SOS2: variants seen among roughly 807,000 people sequenced by gnomAD.
The protein encoded by SOS2 is son of sevenless homolog 2.
In SOS2, 65 loss-of-function variants were observed where a neutral mutation model predicts 148.2. The ratio of observed to expected loss-of-function variants is 0.44; its 90% confidence interval spans 0.36 to 0.54. The LOEUF (loss-of-function observed/expected upper bound fraction) is 0.54. Among genes scored for constraint, SOS2 ranks in the 20% least tolerant of loss-of-function variants. The pLI is 0.00. For synonymous variants in SOS2, 539 were observed against 537.1 expected (o/e 1.00, Z -0.05); for missense variants, 1,341 against 1,590.2 (o/e 0.84, Z 2.67).
intron 12 of SOS2, among the ~76,000 whole-genome samples, chr14:50,154,301 T>C (rs1440743578): frequency 6.6e-5 from 10 of 152,180 alleles, no homozygotes; most frequent in Admixed American, 5.9e-4. Context: ...AAAATAAGTA[T>C]GAATGAAATA....
intron 1 of SOS2, among the ~76,000 whole-genome samples, chr14:50,205,925 T>A (rs923448181): frequency 1.0e-4 from 13 of 129,446 alleles, no homozygotes; most frequent in African/African-American, 3.3e-4. Context: ...AAAAAAAAAA[T>A]AGCATAAAAT....
intron 1 of SOS2, among the ~76,000 whole-genome samples, chr14:50,205,228 T>G (rs1886621738): frequency 6.6e-6 from 1 of 152,024 alleles, no homozygotes; most frequent in African/African-American, 2.4e-5. Flanking sequence ...TTTTTAAAAC[T>G]TTTTGTAGAG....
chr14:50,139,066 C>G (rs1190701486), intron 17 of SOS2, among the ~76,000 whole-genome samples: 1 of 152,082 alleles, frequency 6.6e-6, no homozygotes, highest in South Asian at 2.1e-4. Flanking sequence ...TTTCTAAACT[C>G]TAATTTCACC....
chr14:50,205,223 A>C (rs1886621445), intron 1 of SOS2, among the ~76,000 whole-genome samples: 1 of 151,820 alleles, frequency 6.6e-6, no homozygotes, highest in African/African-American at 2.4e-5. Flanking sequence ...GCTAATTTTT[A>C]AAACTTTTTG....
chr14:50,169,390 T>C (rs1006397674), intron 8 of SOS2, among the ~76,000 whole-genome samples: 1 of 149,802 alleles, frequency 6.7e-6, no homozygotes, highest in African/African-American at 2.5e-5. Flanking sequence ...ATCCCAGCAC[T>C]TTGGGAGGCC....
At chr14:50,197,027 G>A (rs1027969152) in intron 4 of SOS2, among the ~76,000 whole-genome samples, 4 of 151,834 alleles carry the variant, frequency 2.6e-5, no homozygotes, top group South Asian at 2.1e-4. Context: ...GCACACGCCC[G>A]GATAATTTTT....
At chr14:50,206,070 T>A (rs1886650906) in intron 1 of SOS2, among the ~76,000 whole-genome samples, 1 of 152,200 alleles carries the variant, frequency 6.6e-6, no homozygotes, top group Non-Finnish European at 1.5e-5. Flanking sequence ...ATGTTATTAA[T>A]CTTTTAAAGA....
At chr14:50,213,468 T>A (rs1365823478) in intron 1 of SOS2, among the ~76,000 whole-genome samples, 2 of 152,000 alleles carry the variant, frequency 1.3e-5, no homozygotes, top group Non-Finnish European at 2.9e-5. Flanking sequence ...GAGGCCAAGG[T>A]GGGGGTGGAT....
chr14:50,222,201 T>G, intron 1 of SOS2, among the ~76,000 whole-genome samples: 1 of 152,220 alleles, frequency 6.6e-6, no homozygotes, highest in East Asian at 1.9e-4. Flanking sequence ...ATAACACATA[T>G]GAAATTACAT....
At chr14:50,167,630 A>T (rs1885209165) in intron 8 of SOS2, among the ~76,000 whole-genome samples, 1 of 152,156 alleles carries the variant, frequency 6.6e-6, no homozygotes, top group East Asian at 1.9e-4. Flanking sequence ...GCACTTTGGG[A>T]GGCTGAGGCA....
chr14:50,182,569 T>C lies in SOS2; in HGVS notation c.752A>G (p.His251Arg). 3 of 1,605,534 alleles carry C rather than the reference T, an allele frequency of 1.9e-6. No homozygotes were observed. Among genetic ancestry groups the C allele is most frequent in the Admixed American group, 1.7e-5 (1 of 59,982 alleles). ...ACCTAAAAGTTTCACAGTCAATTCA[T>C]GTATATCTGAAATGTTACTAAAAAT... ...EKIFSNISDI[H>R]ELTVKLLGLI... Residue 251 changes from histidine to arginine, a missense_variant, in exon 6 of 23, where the codon CAT (histidine) becomes CGT (arginine). Physicochemically the swap from His to Arg is conservative, Grantham distance 29. Coordinates refer to ENST00000216373, the MANE Select transcript of SOS2 (RefSeq NM_006939.4).
intron 6 of SOS2, 93 bp downstream of exon 6, chr14:50,182,369 AC>A (rs1885772440): frequency 9.0e-7 from 1 of 1,106,070 alleles, no homozygotes; most frequent in African/African-American, 1.6e-5. Context: ...TTTTATGGAA[AC>A]GGGGTCTCAC....
At chr14:50,178,683 T>TGC (rs1885615526) in intron 7 of SOS2, among the ~76,000 whole-genome samples, 1 of 8,046 alleles carries the variant, frequency 1.2e-4, no homozygotes. Flanking sequence ...TATATATATA[T>TGC]ATATATATAT....
chr14:50,223,941 G>C (rs1311159357), intron 1 of SOS2, among the ~76,000 whole-genome samples: 1 of 152,072 alleles, frequency 6.6e-6, no homozygotes, highest in Non-Finnish European at 1.5e-5. Context: ...TATACGTGAA[G>C]CAATGAGGCA....
chr14:50,146,134 CAAA>C (rs775495958), intron 14 of SOS2, among the ~76,000 whole-genome samples: 2 of 85,164 alleles, frequency 2.3e-5, no homozygotes, highest in Admixed American at 1.2e-4. Flanking sequence ...GCTCTGTCTC[CAAA>C]AAAAAAAAAA....
intron 18 of SOS2, among the ~76,000 whole-genome samples, chr14:50,137,878 C>T (rs187162434): frequency 6.6e-6 from 1 of 152,322 alleles, no homozygotes; most frequent in African/African-American, 2.4e-5. Flanking sequence ...CTCCCTCTGT[C>T]ACCCAGGCTG....
chr14:50,212,513 G>C (rs1595029019), intron 1 of SOS2, among the ~76,000 whole-genome samples: 1 of 152,150 alleles, frequency 6.6e-6, no homozygotes, highest in Non-Finnish European at 1.5e-5. Flanking sequence ...CACAAAAACG[G>C]TTACCTTTTG....
chr14:50,231,668 G>T (rs971202985), upstream of SOS2: 6 of 162,836 alleles, frequency 3.7e-5, no homozygotes, highest in Non-Finnish European at 6.5e-5. Context: ...CGGCCGCGGC[G>T]GGCGGTGAGC....
intron 1 of SOS2, among the ~76,000 whole-genome samples, chr14:50,223,651 G>T (rs1887265835): frequency 6.6e-6 from 1 of 151,924 alleles, no homozygotes; most frequent in Non-Finnish European, 1.5e-5. Flanking sequence ...CCCCAGCCTG[G>T]CAAAAAAGCG....
Sources: gnomAD v4.1 joint callset for allele counts (sites outside exome capture counted in the v4.1 genomes callset) on GRCh38, gnomAD v4.1.1 for gene constraint, MANE v1.5 for transcripts, NCBI Gene and HGNC (gene_info 2026-07-23, HGNC 2026-07-21) for gene names.